The following DACH2 variants were observed in gnomAD, a reference collection of about 807,000 sequenced individuals.
The protein encoded by DACH2 is dachshund homolog 2.
DACH2 carries 17 observed loss-of-function variants against 35.8 expected under a neutral mutation model. The ratio of observed to expected loss-of-function variants is 0.48; its 90% CI spans 0.33 to 0.71. The LOEUF (loss-of-function observed/expected upper bound fraction) is 0.71, where lower values mean the gene tolerates loss of function less well. Among genes scored for constraint, DACH2 ranks in the 30% least tolerant of loss-of-function variants. The pLI is 0.02. For missense variants in DACH2, 469 were observed against 472.7 expected (o/e 0.99, Z 0.07); for synonymous variants, 195 against 177.3 (o/e 1.10, Z -0.79).
intron 1 of DACH2, among the ~76,000 whole-genome samples, chrX:86,240,847 C>T (rs895885819): frequency 9.1e-5 from 10 of 110,494 alleles, no homozygotes; most frequent in African/African-American, 3.3e-4. Context: ...GTGGCACCTC[C>T]CTCTTCTCTT....
chrX:86,721,106 C>T (rs2041401506), intron 6 of DACH2, among the ~76,000 whole-genome samples: 1 of 112,399 alleles, frequency 8.9e-6, no homozygotes, highest in Non-Finnish European at 1.9e-5. Context: ...AAACCATTTC[C>T]CCCTCCTAGG....
intron 2 of DACH2, among the ~76,000 whole-genome samples, chrX:86,482,695 C>T (rs1313966627): frequency 3.7e-5 from 4 of 107,777 alleles, no homozygotes; most frequent in Non-Finnish European, 7.6e-5. Flanking sequence ...CTCTCCAGCA[C>T]CTGTTGTTTC....
At chrX:86,802,760 G>A (rs2042306939) in intron 7 of DACH2, among the ~76,000 whole-genome samples, 1 of 110,976 alleles carries the variant, frequency 9.0e-6, no homozygotes, top group Non-Finnish European at 1.9e-5. Context: ...ATTTCAGAGG[G>A]AAGGCACAAA....
chrX:86,420,905 T>C (rs1207133020), intron 2 of DACH2, among the ~76,000 whole-genome samples: 5 of 111,257 alleles, frequency 4.5e-5, no homozygotes, highest in Non-Finnish European at 9.4e-5. Flanking sequence ...GCTTGGTAGA[T>C]TGTACCCTTA....
intron 1 of DACH2, among the ~76,000 whole-genome samples, chrX:86,237,062 A>C (rs946804496): frequency 1.2e-4 from 13 of 112,137 alleles, no homozygotes; most frequent in Non-Finnish European, 1.9e-4. Flanking sequence ...TTTTTAAAAC[A>C]GTTTAAACTT....
intron 1 of DACH2, among the ~76,000 whole-genome samples, chrX:86,249,373 A>G (rs766114200): frequency 9.0e-6 from 1 of 111,334 alleles, no homozygotes; most frequent in African/African-American, 3.3e-5. Flanking sequence ...GAAACACCCT[A>G]TTGAAAAATG....
chrX:86,404,706 C>T (rs1602484229), intron 2 of DACH2, among the ~76,000 whole-genome samples: 1 of 111,963 alleles, frequency 8.9e-6, no homozygotes, highest in Non-Finnish European at 1.9e-5. Flanking sequence ...AATGGTGTCC[C>T]TCTTCTCAAG....
At chrX:86,591,706 T>A (rs2039648826) in intron 3 of DACH2, among the ~76,000 whole-genome samples, 1 of 109,603 alleles carries the variant, frequency 9.1e-6, no homozygotes, top group African/African-American at 3.3e-5. Flanking sequence ...CCTGGCTGAT[T>A]TTTGTATTTT....
At chrX:86,709,495 G>T (rs908902843) in intron 5 of DACH2, among the ~76,000 whole-genome samples, 1 of 111,835 alleles carries the variant, frequency 8.9e-6, no homozygotes. Context: ...TCTTGGGTTT[G>T]ACAATGTGGT....
chrX:86,343,326 G>A (rs1380295318), intron 1 of DACH2, among the ~76,000 whole-genome samples: 1 of 110,520 alleles, frequency 9.0e-6, no homozygotes, highest in Non-Finnish European at 1.9e-5. Flanking sequence ...GCTGTTTGAT[G>A]TCTTTTCTTA....
chrX:86,322,468 C>T (rs781521616), intron 1 of DACH2, among the ~76,000 whole-genome samples: 1 of 111,302 alleles, frequency 9.0e-6, no homozygotes, highest in East Asian at 2.9e-4. Context: ...CGACGGTTCT[C>T]CCTCCTTGGT....
At chrX:86,550,468 A>T (rs1002165978) in intron 3 of DACH2, among the ~76,000 whole-genome samples, 6 of 110,888 alleles carry the variant, frequency 5.4e-5, no homozygotes, top group Non-Finnish European at 1.1e-4. Flanking sequence ...CTGTTGCATA[A>T]TCGGTCATTT....
chrX:86,440,989 C>A (rs996877178), intron 2 of DACH2, among the ~76,000 whole-genome samples: 5 of 110,897 alleles, frequency 4.5e-5, no homozygotes, highest in African/African-American at 1.6e-4. Flanking sequence ...TCTCTCCTCC[C>A]TCGCACCATT....
At chrX:86,396,892 G>C (rs2036306678) in intron 2 of DACH2, among the ~76,000 whole-genome samples, 3 of 110,898 alleles carry the variant, frequency 2.7e-5, no homozygotes. Context: ...GGTTCCATAT[G>C]AACTTTAAAG....
At chrX:86,793,421 G>A (rs2042205618) in intron 7 of DACH2, among the ~76,000 whole-genome samples, 1 of 111,221 alleles carries the variant, frequency 9.0e-6, no homozygotes, top group Non-Finnish European at 1.9e-5. Context: ...AAACATATAA[G>A]AGAATACACT....
chrX:86,398,779 T>C (rs1485852718), intron 2 of DACH2, among the ~76,000 whole-genome samples: 2 of 111,966 alleles, frequency 1.8e-5, no homozygotes, highest in African/African-American at 6.5e-5. Context: ...TTCTGTTCTT[T>C]TACATTTGCT....
chrX:86,829,043 A>ATT (rs759229591), intron 11 of DACH2: 1 of 111,938 alleles, frequency 8.9e-6, no homozygotes, highest in Non-Finnish European at 1.9e-5. Flanking sequence ...AGTACATGCA[A>ATT]TTTCTGCCGG....
intron 3 of DACH2, among the ~76,000 whole-genome samples, chrX:86,600,230 C>T (rs762396634): frequency 2.9e-4 from 32 of 111,743 alleles, no homozygotes; most frequent in Non-Finnish European, 4.7e-4. Context: ...TTTTCTTTTG[C>T]TATATGCAAT....
intron 1 of DACH2, among the ~76,000 whole-genome samples, chrX:86,182,423 C>T (rs1404302912): frequency 8.9e-6 from 1 of 111,806 alleles, no homozygotes; most frequent in Admixed American, 9.5e-5. Context: ...GTTTTCCCAA[C>T]ACCATTTATT....
Sources: gnomAD v4.1 joint callset for allele counts (sites outside exome capture counted in the v4.1 genomes callset) on GRCh38, gnomAD v4.1.1 for gene constraint, MANE v1.5 for transcripts, NCBI Gene and HGNC (gene_info 2026-07-23, HGNC 2026-07-21) for gene names.